SCMH1: variants seen among roughly 807,000 people sequenced by gnomAD.
SCMH1 encodes the protein Scm polycomb group protein homolog 1.
Under a neutral mutation model 70.8 loss-of-function variants are expected in SCMH1, and 37 were observed. That is an observed-to-expected ratio of 0.52 (90% CI 0.40 to 0.69). The LOEUF is 0.69. Ranked by LOEUF, SCMH1 falls within the 30% of genes least tolerant of loss-of-function variation. The probability of loss-of-function intolerance (pLI) is 0.00; values close to 1 mark genes in which losing one functional copy is unlikely to be tolerated. For synonymous variants in SCMH1, 292 were observed against 307.4 expected (o/e 0.95, Z 0.52); for missense variants, 607 against 827.3 (o/e 0.73, Z 3.27).
chr1:41,161,475 A>G (rs1404900472), intron 2 of SCMH1, 43 bp from the exon 3 acceptor site: 6 of 1,526,506 alleles, frequency 3.9e-6, no homozygotes, highest in Non-Finnish European at 5.3e-6. Context: ...AGAAAGTATA[A>G]GATTAAATAC....
At chr1:41,034,784 A>G (rs536132525) in intron 13 of SCMH1, among the ~76,000 whole-genome samples, 1 of 152,228 alleles carries the variant, frequency 6.6e-6, no homozygotes, top group Non-Finnish European at 1.5e-5. Flanking sequence ...CTCCTATGAA[A>G]GCTCATGTTC....
intron 4 of SCMH1, chr1:41,152,771 GA>G: frequency 1.9e-6 from 3 of 1,559,042 alleles, no homozygotes; most frequent in Non-Finnish European, 2.6e-6. Context: ...ACTGAATGAA[GA>G]AATCTAAATC....
intron 1 of SCMH1, among the ~76,000 whole-genome samples, chr1:41,233,639 C>T (rs905840582): frequency 6.6e-6 from 1 of 152,112 alleles, no homozygotes; most frequent in Non-Finnish European, 1.5e-5. Flanking sequence ...TCTATCATCC[C>T]GGTATTCCTT....
chr1:41,136,680 T>C (rs1387464609), intron 6 of SCMH1, among the ~76,000 whole-genome samples: 2 of 152,008 alleles, frequency 1.3e-5, no homozygotes, highest in African/African-American at 4.8e-5. Flanking sequence ...CCATTTCTTA[T>C]TTTCTATGTT....
chr1:41,085,695 T>C (rs1661416286), intron 8 of SCMH1, among the ~76,000 whole-genome samples: 1 of 152,184 alleles, frequency 6.6e-6, no homozygotes, highest in South Asian at 2.1e-4. Flanking sequence ...GCTGTAAATA[T>C]AAAATGCACA....
chr1:41,068,335 T>A (rs1212133423), intron 10 of SCMH1, among the ~76,000 whole-genome samples: 2 of 152,012 alleles, frequency 1.3e-5, no homozygotes. Flanking sequence ...GGTCAAGAGA[T>A]TCAAAAACTG....
intron 1 of SCMH1, among the ~76,000 whole-genome samples, chr1:41,193,177 T>C (rs77548761): frequency 6.6e-6 from 1 of 152,348 alleles, no homozygotes; most frequent in Non-Finnish European, 1.5e-5. Flanking sequence ...GCATACACTA[T>C]ATCGTTTTAC....
chr1:41,170,674 C>T (rs1330901499), intron 2 of SCMH1, among the ~76,000 whole-genome samples: 1 of 152,054 alleles, frequency 6.6e-6, no homozygotes, highest in African/African-American at 2.4e-5. Context: ...CACACATATC[C>T]CTCCTATTAT....
intron 10 of SCMH1, among the ~76,000 whole-genome samples, chr1:41,060,303 T>C (rs892245082): frequency 1.1e-4 from 16 of 151,696 alleles, no homozygotes; most frequent in African/African-American, 1.7e-4. Context: ...GAGGAAAAAA[T>C]TGTCTTACCT....
chr1:41,183,767 G>C (rs1352968551), intron 2 of SCMH1, among the ~76,000 whole-genome samples: 1 of 152,144 alleles, frequency 6.6e-6, no homozygotes, highest in Non-Finnish European at 1.5e-5. Context: ...CTGTGACATA[G>C]AGAATGATAC....
At chr1:41,178,641 C>T (rs1647728753) in intron 2 of SCMH1, among the ~76,000 whole-genome samples, 1 of 152,230 alleles carries the variant, frequency 6.6e-6, no homozygotes, top group South Asian at 2.1e-4. Context: ...ACAAAGAAGG[C>T]CATTACATAA....
At chr1:41,190,834 G>A (rs780657929) in intron 1 of SCMH1, among the ~76,000 whole-genome samples, 5 of 152,044 alleles carry the variant, frequency 3.3e-5, no homozygotes, top group Non-Finnish European at 5.9e-5. Flanking sequence ...CTGGCACTGT[G>A]GTAGGCACTT....
intron 13 of SCMH1, 102 bp downstream of exon 14, chr1:41,033,881 G>T: frequency 6.4e-7 from 1 of 1,552,162 alleles, no homozygotes. Flanking sequence ...GGGAACAACA[G>T]TACCATCTGA....
intron 8 of SCMH1, among the ~76,000 whole-genome samples, chr1:41,094,179 A>G (rs533501443): frequency 5.3e-5 from 8 of 152,306 alleles, no homozygotes; most frequent in Admixed American, 4.6e-4. Context: ...AAGCTTAATA[A>G]ATTTTACTGC....
chr1:41,032,175 C>A (rs148227500), intron 13 of SCMH1, among the ~76,000 whole-genome samples: 3 of 152,158 alleles, frequency 2.0e-5, no homozygotes, highest in Non-Finnish European at 2.9e-5. Flanking sequence ...TTATAAGCCA[C>A]CCAGTTCATG....
At chr1:41,084,599 C>T (rs1389922362) in intron 8 of SCMH1, among the ~76,000 whole-genome samples, 1 of 151,992 alleles carries the variant, frequency 6.6e-6, no homozygotes, top group Non-Finnish European at 1.5e-5. Flanking sequence ...ACTAGAAATA[C>T]CATTTGACCC....
intron 2 of SCMH1, among the ~76,000 whole-genome samples, chr1:41,164,597 C>T (rs552811506): frequency 8.3e-4 from 127 of 152,224 alleles, no homozygotes; most frequent in African/African-American, 2.9e-3. Flanking sequence ...ATTACCTATT[C>T]ATTCATGATT....
intron 4 of SCMH1, among the ~76,000 whole-genome samples, chr1:41,154,754 T>G (rs996618047): frequency 5.3e-5 from 8 of 152,228 alleles, no homozygotes; most frequent in African/African-American, 1.9e-4. Flanking sequence ...GTATAATGTT[T>G]TATAATTTAA....
chr1:41,151,387 TA>T (rs1421443320), intron 5 of SCMH1, among the ~76,000 whole-genome samples: 1 of 152,116 alleles, frequency 6.6e-6, no homozygotes, highest in Non-Finnish European at 1.5e-5. Context: ...CTCAAGGAGG[TA>T]AAGAAGGAGG....
Sources: gnomAD v4.1 joint callset for allele counts (sites outside exome capture counted in the v4.1 genomes callset) on GRCh38, gnomAD v4.1.1 for gene constraint, MANE v1.5 for transcripts, NCBI Gene and HGNC (gene_info 2026-07-23, HGNC 2026-07-21) for gene names.